The following UBE2E2 variants were observed in gnomAD, a reference collection of about 807,000 sequenced individuals.
UBE2E2 encodes the protein ubiquitin-conjugating enzyme E2 E2.
A neutral mutation model predicts 24.7 loss-of-function variants in UBE2E2; 6 were observed. That is an observed-to-expected ratio of 0.24 (90% CI 0.13 to 0.48). UBE2E2 has a LOEUF of 0.48. Among genes scored for constraint, UBE2E2 ranks in the 20% least tolerant of loss-of-function variants. UBE2E2 has a pLI of 0.99. For synonymous variants in UBE2E2, 104 were observed against 83.6 expected, an observed-to-expected ratio of 1.24 and a Z score of -1.33; for missense variants, 169 against 245.0, an observed-to-expected ratio of 0.69 and a Z score of 2.07.
chr3:23,535,081 T>C (rs1695220002), intron 5 of UBE2E2, among the ~76,000 whole-genome samples: 1 of 152,218 alleles, frequency 6.6e-6, no homozygotes, highest in African/African-American at 2.4e-5. Flanking sequence ...GCATGATATT[T>C]GTAGACAGCA....
chr3:23,458,992 G>A (rs1165630067), intron 3 of UBE2E2, among the ~76,000 whole-genome samples: 1 of 152,214 alleles, frequency 6.6e-6, no homozygotes, highest in Non-Finnish European at 1.5e-5. Context: ...TATATCATGT[G>A]TGCATTCTGA....
intron 5 of UBE2E2, among the ~76,000 whole-genome samples, chr3:23,578,916 C>G (rs1696405070): frequency 6.6e-6 from 1 of 151,984 alleles, no homozygotes; most frequent in South Asian, 2.1e-4. Context: ...GCACATGTAC[C>G]CCTGAACTTA....
At chr3:23,383,835 T>A (rs1696739854) in intron 3 of UBE2E2, among the ~76,000 whole-genome samples, 1 of 152,132 alleles carries the variant, frequency 6.6e-6, no homozygotes, top group African/African-American at 2.4e-5. Context: ...ATATGATTTT[T>A]TTTTAGGCTG....
At chr3:23,361,490 A>G (rs935115146) in intron 3 of UBE2E2, among the ~76,000 whole-genome samples, 6 of 152,204 alleles carry the variant, frequency 3.9e-5, no homozygotes, top group Admixed American at 3.3e-4. Flanking sequence ...ATGGACTACT[A>G]CTCAGCCATT....
At chr3:23,455,281 A>G (rs551916543) in intron 3 of UBE2E2, among the ~76,000 whole-genome samples, 1 of 152,352 alleles carries the variant, frequency 6.6e-6, no homozygotes, top group Admixed American at 6.5e-5. Flanking sequence ...CCACAGCAAT[A>G]AAGCAGATGT....
chr3:23,579,300 G>T (rs1696415730), intron 5 of UBE2E2, among the ~76,000 whole-genome samples: 3 of 151,490 alleles, frequency 2.0e-5, no homozygotes, highest in Non-Finnish European at 4.4e-5. Flanking sequence ...CAGGAGAATG[G>T]CGTGAACCCA....
rs1696800133 is a variant in UBE2E2 at position 23,386,184 on chromosome 3, G to A, written c.228-113424G>A. On this transcript the variant is annotated intron_variant, in intron 3 of 5. Coordinates refer to ENST00000396703, the MANE Select transcript of UBE2E2 (RefSeq NM_152653.4). ...TAAACTGGGTGGCTTATAAACAACA[G>A]AAATTTCTTTCTCATTTTTCTGGAG... 3.9e-5 allele frequency among the ~76,000 whole-genome samples: 6 copies of A among 152,282 alleles called. No homozygotes were observed. The South Asian group carries it at 1.2e-3, about 32-fold the overall frequency.
intron 3 of UBE2E2, among the ~76,000 whole-genome samples, chr3:23,479,653 G>C (rs1699212413): frequency 6.6e-6 from 1 of 152,214 alleles, no homozygotes; most frequent in Middle Eastern, 3.2e-3. Flanking sequence ...GACAACTGGA[G>C]GGTGAGCAAG....
At chr3:23,317,220 G>A (rs1694606856) in intron 3 of UBE2E2, among the ~76,000 whole-genome samples, 1 of 152,176 alleles carries the variant, frequency 6.6e-6, no homozygotes, top group Non-Finnish European at 1.5e-5. Context: ...AGCCTTTCAA[G>A]TTAATTTAGA....
chr3:23,455,871 C>G (rs1441622819), intron 3 of UBE2E2, among the ~76,000 whole-genome samples: 2 of 152,136 alleles, frequency 1.3e-5, no homozygotes, highest in African/African-American at 4.8e-5. Flanking sequence ...AATAAAACAA[C>G]GATGAAATTT....
intron 3 of UBE2E2, among the ~76,000 whole-genome samples, chr3:23,482,018 A>G (rs977016429): frequency 2.2e-4 from 33 of 152,234 alleles, no homozygotes; most frequent in Non-Finnish European, 5.9e-5. Context: ...GCTAGAAGTC[A>G]CTTCTATAAA....
chr3:23,415,338 G>A (rs182939388), intron 3 of UBE2E2, among the ~76,000 whole-genome samples: 1 of 152,218 alleles, frequency 6.6e-6, no homozygotes, highest in African/African-American at 2.4e-5. Context: ...TGCACACAGA[G>A]ATACATCCTA....
intron 5 of UBE2E2, among the ~76,000 whole-genome samples, chr3:23,586,353 G>C (rs1696626260): frequency 6.6e-6 from 1 of 152,116 alleles, no homozygotes; most frequent in African/African-American, 2.4e-5. Context: ...GGAGTGTGGT[G>C]GCATGATCAC....
In UBE2E2 at chr3:23,423,796, A is replaced by G. The variant is rs575093155; in HGVS notation, c.228-75812A>G. On this transcript the variant is annotated intron_variant, in intron 3 of 5. Transcript: ENST00000396703. ...TAATGAGAATATGATAATAAACCCTACATCTCTTCCTAAATCTCCGATCAG... is the reference window on the plus strand; with the variant it reads ...TAATGAGAATATGATAATAAACCCTGCATCTCTTCCTAAATCTCCGATCAG... 2.0e-5 allele frequency among the ~76,000 whole-genome samples: 3 copies of G among 152,314 alleles called. No homozygotes were observed. The South Asian group carries it at 6.2e-4, about 32-fold the overall frequency.
At chr3:23,414,573 A>G (rs1695172) in intron 3 of UBE2E2, among the ~76,000 whole-genome samples, 53,546 of 152,016 alleles carry the variant, frequency 0.35, 9,678 homozygotes, top group African/African-American at 0.42. Context: ...TCACATTGCA[A>G]TGGTAGGATC....
At chr3:23,555,368 C>T (rs1176236891) in intron 5 of UBE2E2, among the ~76,000 whole-genome samples, 2 of 152,016 alleles carry the variant, frequency 1.3e-5, no homozygotes, top group East Asian at 1.9e-4. Context: ...ACCAAAGAGA[C>T]GAGGTTAAGT....
At chr3:23,313,060 G>T (rs979843457) in intron 3 of UBE2E2, among the ~76,000 whole-genome samples, 2 of 152,080 alleles carry the variant, frequency 1.3e-5, no homozygotes, top group African/African-American at 2.4e-5. Context: ...AGTACACAGC[G>T]TATTCTGCAG....
At chr3:23,329,429 T>C (rs1695002323) in intron 3 of UBE2E2, among the ~76,000 whole-genome samples, 1 of 152,166 alleles carries the variant, frequency 6.6e-6, no homozygotes, top group Admixed American at 6.5e-5. Flanking sequence ...TGCCGAAGTA[T>C]CAAGACAGAA....
At chr3:23,476,148 CTAACT>C (rs1038224318) in intron 3 of UBE2E2, among the ~76,000 whole-genome samples, 1 of 152,050 alleles carries the variant, frequency 6.6e-6, no homozygotes, top group African/African-American at 2.4e-5. Context: ...GTTCCCTTAC[CTAACT>C]TACTTTCCTC....
Sources: gnomAD v4.1 joint callset for allele counts (sites outside exome capture counted in the v4.1 genomes callset) on GRCh38, gnomAD v4.1.1 for gene constraint, MANE v1.5 for transcripts, NCBI Gene and HGNC (gene_info 2026-07-23, HGNC 2026-07-21) for gene names.